Variants in PRUNE2 observed in about 807,000 individuals in gnomAD.
PRUNE2 encodes the protein protein prune homolog 2.
In PRUNE2, 164 loss-of-function variants were observed where a neutral mutation model predicts 252.0. That is an observed-to-expected ratio of 0.65 (90% CI 0.57 to 0.74). The LOEUF (loss-of-function observed/expected upper bound fraction) is 0.74, where lower values mean the gene tolerates loss of function less well. Ranked by LOEUF, PRUNE2 falls within the 30% of genes least tolerant of loss-of-function variation. The pLI, the probability that PRUNE2 is intolerant of heterozygous loss-of-function variation, is 0.00. For synonymous variants in PRUNE2, 1,292 were observed against 1,350.2 expected (o/e 0.96, Z 0.94); for missense variants, 3,495 against 3,711.0 (o/e 0.94, Z 1.51).
chr9:76,670,408 C>T (rs532535817), intron 9 of PRUNE2, among the ~76,000 whole-genome samples: 17 of 150,834 alleles, frequency 1.1e-4, no homozygotes, highest in African/African-American at 2.2e-4. Context: ...CCTACACCCA[C>T]GGAGTCTCGC....
chr9:76,636,999 GTGTGTGTGTGTA>G (rs1840419927), intron 14 of PRUNE2, among the ~76,000 whole-genome samples: 6 of 149,874 alleles, frequency 4.0e-5, no homozygotes, highest in African/African-American at 1.5e-4. Flanking sequence ...GTGTGTGTGT[GTGTGTGTGTGTA>G]TAATTTTAGG....
At position 76,706,418 on chromosome 9, in the gene PRUNE2, T is replaced by C; in HGVS notation, c.5856A>G (p.Glu1952=). 1 of 1,613,994 alleles carries C rather than the reference T, an allele frequency of 6.2e-7. No individual in the cohort carries two copies. Among genetic ancestry groups the C allele is most frequent in the African/African-American group, 1.3e-5 (1 of 75,046 alleles). Residue 1952 remains glutamate (E), a synonymous_variant, in exon 8 of 19, where the codon GAA becomes GAG. Coordinates refer to ENST00000376718, the MANE Select transcript of PRUNE2 (RefSeq NM_015225.3). The part of the protein sequence containing the change: ...VSAAGDELTP[E]TPTQEQCQDT... Reference sequence around the variant, plus strand: ...CCTGACACTGCTCTTGGGTAGGTGTTTCAGGAGTCAGCTCATCACCAGCAG... The same window carrying C: ...CCTGACACTGCTCTTGGGTAGGTGTCTCAGGAGTCAGCTCATCACCAGCAG...
chr9:76,795,622 A>G (rs2056024504), intron 6 of PRUNE2, among the ~76,000 whole-genome samples: 2 of 152,188 alleles, frequency 1.3e-5, no homozygotes. Context: ...ACACGAGCCT[A>G]AAAGGGGAAA....
chr9:76,736,137 T>A (rs201257046), intron 6 of PRUNE2, among the ~76,000 whole-genome samples: 3 of 44,118 alleles, frequency 6.8e-5, no homozygotes, highest in Non-Finnish European at 1.4e-4. Context: ...TTTGTGTGAG[T>A]GTGTGTGTGT....
chr9:76,868,837 T>TGGGGGGGGGGGGGGGGGGGGGG (rs111357062), intron 1 of PRUNE2: 1 of 77,102 alleles, frequency 1.3e-5, no homozygotes, highest in Non-Finnish European at 2.8e-5. Flanking sequence ...CCTTGGGGGG[T>TGGGGGGGGGGGGGGGGGGGGGG]GGGGGGGGGG....
At position 76,703,723 on chromosome 9, in the gene PRUNE2, G is replaced by T. The variant is rs747492298; in HGVS notation, c.7890C>A (p.Asp2630Glu). The change falls in exon 9 of 19, where the codon GAC becomes GAA. Residue 2630 changes from aspartate to glutamate, a missense_variant. By Grantham distance (45) the Asp-to-Glu change is conservative (BLOSUM62 2). Transcript: ENST00000376718. ...TRSSFESPAQ[D>E]QSWMFLGHSE... is the part of the protein sequence containing the mutation. ...TATGGCCCAAGAACATCCAACTCTG[G>T]TCTTGTGCAGGGCTTTCAAAAGATG... 3.7e-6 allele frequency: 6 copies of T among 1,613,410 alleles called. No individual in the cohort carries two copies. Among genetic ancestry groups the T allele is most frequent in the Non-Finnish European group, 4.2e-6 (5 of 1,179,868 alleles).
chr9:76,705,490 C>G lies in PRUNE2; in HGVS notation c.6784G>C (p.Gly2262Arg). The change falls in exon 8 of 19, where the codon GGT becomes CGT. Residue 2262 changes from glycine to arginine, a missense_variant. Gly to Arg is a moderately radical substitution (Grantham distance 125). Transcript: ENST00000376718. ...SDSFSPESQPGARALFDGDPH... is the reference protein window; with the variant it reads ...SDSFSPESQPRARALFDGDPH... ...TCACCATCAAACAAAGCTCTTGCAC[C>G]AGGCTGACTTTCAGGAGAAAAGCTG... The G allele has an allele frequency of 6.2e-7, 1 of 1,613,968 alleles. No individual in the cohort carries two copies. The highest frequency in any genetic ancestry group is 8.5e-7 in the Non-Finnish European group (1 of 1,179,872).
At chr9:76,628,090 A>G (rs1835734171) in intron 16 of PRUNE2, among the ~76,000 whole-genome samples, 2 of 152,174 alleles carry the variant, frequency 1.3e-5, no homozygotes, top group East Asian at 1.9e-4. Flanking sequence ...GCTAATGGTT[A>G]AGTCCCTCTC....
chr9:76,651,552 T>C (rs1056599245), intron 11 of PRUNE2, among the ~76,000 whole-genome samples: 1 of 152,166 alleles, frequency 6.6e-6, no homozygotes, highest in Non-Finnish European at 1.5e-5. Flanking sequence ...TCAAATATTA[T>C]AACTTCAGAG....
At chr9:76,894,799 C>A (rs2062719175) in intron 1 of PRUNE2, among the ~76,000 whole-genome samples, 1 of 151,174 alleles carries the variant, frequency 6.6e-6, no homozygotes, top group African/African-American at 2.5e-5. Context: ...GTGGGTGGAT[C>A]ACCTGAGGTC....
At chr9:76,840,007 T>C (rs1589512726) in intron 4 of PRUNE2, among the ~76,000 whole-genome samples, 2 of 152,214 alleles carry the variant, frequency 1.3e-5, no homozygotes, top group East Asian at 3.8e-4. Context: ...AAGGATGTGG[T>C]ACTAATTAGA....
chr9:76,754,615 AG>A (rs1268019629), intron 6 of PRUNE2, among the ~76,000 whole-genome samples: 1 of 152,162 alleles, frequency 6.6e-6, no homozygotes, highest in Non-Finnish European at 1.5e-5. Flanking sequence ...GCATTTGACC[AG>A]TTAGGTAGGA....
At chr9:76,775,435 T>A (rs1197194474) in intron 6 of PRUNE2, among the ~76,000 whole-genome samples, 1 of 151,944 alleles carries the variant, frequency 6.6e-6, no homozygotes, top group African/African-American at 2.4e-5. Flanking sequence ...TAGCTGGGAC[T>A]ACAGGCATGC....
chr9:76,846,509 T>C lies in PRUNE2; in HGVS notation c.508+6A>G. The C allele has an allele frequency of 6.2e-7, 1 of 1,609,966 alleles. No homozygotes were observed. Among genetic ancestry groups the C allele is most frequent in the Non-Finnish European group, 8.5e-7 (1 of 1,177,434 alleles). Reference sequence around the variant, plus strand: ...CCAGTATTTAATAGGAAGAGCCATCTCTCACCTCTGAGGCGATGAGCCAGT... The same window carrying C: ...CCAGTATTTAATAGGAAGAGCCATCCCTCACCTCTGAGGCGATGAGCCAGT... On this transcript the variant is annotated splice_donor_region_variant and intron_variant, in intron 4 of 18. Coordinates refer to ENST00000376718, the MANE Select transcript of PRUNE2 (RefSeq NM_015225.3).
intron 6 of PRUNE2, among the ~76,000 whole-genome samples, chr9:76,810,658 T>C (rs1011313653): frequency 6.6e-6 from 1 of 152,234 alleles, no homozygotes; most frequent in Non-Finnish European, 1.5e-5. Context: ...ACACAGTAAC[T>C]ATCCTAAATT....
At chr9:76,739,209 A>T (rs1205270768) in intron 6 of PRUNE2, 2 of 152,236 alleles carry the variant, frequency 1.3e-5, no homozygotes, top group African/African-American at 4.8e-5. Context: ...AATCTCATGG[A>T]CAAATATATA....
chr9:76,764,210 A>G (rs1295883523), intron 6 of PRUNE2, among the ~76,000 whole-genome samples: 1 of 151,486 alleles, frequency 6.6e-6, no homozygotes, highest in South Asian at 2.1e-4. Flanking sequence ...GCTGCATTTC[A>G]GTGCATGGAG....
chr9:76,612,105 A>G lies in PRUNE2; in HGVS notation c.*2465T>C, dbSNP rs1383239813. ...ATGTACATGGTAGCTTTTCCCTAGCACATGCAATTAAATTAATTTGTCTTT... is the reference window on the plus strand; with the variant it reads ...ATGTACATGGTAGCTTTTCCCTAGCGCATGCAATTAAATTAATTTGTCTTT... On this transcript the variant is annotated 3_prime_UTR_variant, in exon 19 of 19. Coordinates refer to ENST00000376718, the MANE Select transcript of PRUNE2 (RefSeq NM_015225.3). The G allele has an allele frequency of 6.6e-6, 1 of 152,370 alleles. No homozygotes were observed. Among genetic ancestry groups the G allele is most frequent in the East Asian group, 1.9e-4 (1 of 5,192 alleles). 9.4% of individuals were successfully genotyped at this position (152,370 alleles called of 1,614,324 possible).
chr9:76,651,665 A>G (rs1847457532), intron 11 of PRUNE2, among the ~76,000 whole-genome samples: 1 of 152,224 alleles, frequency 6.6e-6, no homozygotes, highest in African/African-American at 2.4e-5. Flanking sequence ...ATAGAGTAAG[A>G]GAAAGAACTA....
Sources: gnomAD v4.1 joint callset for allele counts (sites outside exome capture counted in the v4.1 genomes callset) on GRCh38, gnomAD v4.1.1 for gene constraint, MANE v1.5 for transcripts, NCBI Gene and HGNC (gene_info 2026-07-23, HGNC 2026-07-21) for gene names.